HIVEP1: variants seen among roughly 807,000 people sequenced by gnomAD.
HIVEP1 encodes the protein zinc finger protein 40.
In HIVEP1, 36 loss-of-function variants were observed where a neutral mutation model predicts 180.0. The observed-to-expected ratio is 0.20, with a 90% CI of 0.15 to 0.26. The LOEUF (loss-of-function observed/expected upper bound fraction) is 0.26. Ranked by LOEUF, HIVEP1 falls within the 10% of genes least tolerant of loss-of-function variation. The pLI, the probability that HIVEP1 is intolerant of heterozygous loss-of-function variation, is 1.00. For synonymous variants in HIVEP1, 1,239 were observed against 1,239.0 expected (o/e 1.00, Z 0.00); for missense variants, 3,143 against 3,268.7 (o/e 0.96, Z 0.94).
intron 7 of HIVEP1, among the ~76,000 whole-genome samples, chr6:12,151,559 A>G (rs1026952204): frequency 1.3e-5 from 2 of 152,220 alleles, no homozygotes; most frequent in African/African-American, 4.8e-5. Context: ...TTCTAATCAT[A>G]TACAGTACAA....
Position 12,130,843 on chromosome 6 carries a change from C to A in HIVEP1, c.6286C>A (p.Arg2096Ser). The change falls in exon 6 of 9, where the codon CGT (arginine) becomes AGT (serine). Residue 2096 changes from arginine to serine, a missense_variant. By Grantham distance (110) the Arg-to-Ser change is moderately radical. Coordinates refer to ENST00000379388, the MANE Select transcript of HIVEP1 (RefSeq NM_002114.4). ...GKYICEECGI[R>S]CKKPSMLKKH... ...ATACATTTGTGAAGAATGTGGAATA[C>A]GTTGTAAGAAACCTAGCATGTTAAA... The A allele has an allele frequency of 6.2e-7, 1 of 1,610,864 alleles. No homozygotes were observed. Among genetic ancestry groups the A allele is most frequent in the Non-Finnish European group, 8.5e-7 (1 of 1,177,232 alleles).
intron 3 of HIVEP1, among the ~76,000 whole-genome samples, chr6:12,095,470 T>TC (rs902454256): frequency 8.1e-6 from 1 of 122,874 alleles, no homozygotes; most frequent in Non-Finnish European, 1.7e-5. Flanking sequence ...TCTCTGACCC[T>TC]CCCCCCACCC....
the HIVEP1 span, among the ~76,000 whole-genome samples, chr6:12,186,030 T>A: frequency 6.6e-6 from 1 of 152,052 alleles, no homozygotes; most frequent in South Asian, 2.1e-4. Flanking sequence ...CAAAAGCAAG[T>A]AAAAATCTAA....
chr6:12,171,565 G>C, the HIVEP1 span, among the ~76,000 whole-genome samples: 1 of 151,562 alleles, frequency 6.6e-6, no homozygotes, highest in Non-Finnish European at 1.5e-5. Flanking sequence ...TTCCTCACCT[G>C]ATAGCTAAGG....
In HIVEP1 at chr6:12,120,189, A is replaced by G. The variant is rs1200628972; in HGVS notation, c.394A>G (p.Lys132Glu). 5 of 1,614,116 alleles carry G rather than the reference A, an allele frequency of 3.1e-6. No homozygotes were observed. The highest frequency in any genetic ancestry group is 3.3e-5 in the Admixed American group (2 of 60,010). Residue 132 changes from lysine (K) to glutamate (E), a missense_variant, in exon 4 of 9, where the codon AAG becomes GAG. Physicochemically the swap from Lys to Glu is moderately conservative, Grantham distance 56 (BLOSUM62 1). Around this residue, in one of 12 missense-constraint regions of HIVEP1, gnomAD observed 2 missense variants for 17.4 expected, o/e 0.12. Transcript: ENST00000379388. ...ASKSEESVSP[K>E]KPLFLQQPSE... ...AAAATCTGAAGAATCTGTCTCCCCA[A>G]AGAAGCCCTTGTTTCTGCAGCAACC...
the HIVEP1 span, among the ~76,000 whole-genome samples, chr6:12,174,869 T>C: frequency 7.1e-6 from 1 of 140,408 alleles, no homozygotes; most frequent in South Asian, 2.4e-4. Flanking sequence ...CAAATGTATT[T>C]GTAAATGATT....
chr6:12,102,731 T>C (rs1264557904), intron 3 of HIVEP1, among the ~76,000 whole-genome samples: 1 of 152,180 alleles, frequency 6.6e-6, no homozygotes, highest in Non-Finnish European at 1.5e-5. Context: ...TTCGTAAATA[T>C]CAAGCAAGAA....
At chr6:12,179,235 A>AT in the HIVEP1 span, among the ~76,000 whole-genome samples, 1 of 152,194 alleles carries the variant, frequency 6.6e-6, no homozygotes, top group African/African-American at 2.4e-5. Context: ...ACAGATTAAT[A>AT]TATAGATAGG....
At chr6:12,100,665 G>A (rs1371822637) in intron 3 of HIVEP1, among the ~76,000 whole-genome samples, 2 of 152,204 alleles carry the variant, frequency 1.3e-5, no homozygotes, top group Admixed American at 1.3e-4. Flanking sequence ...TAAACCTAGT[G>A]TTTTAGTTGA....
rs998904056 is a variant in HIVEP1 at position 12,029,736 on chromosome 6, T to G, written c.40+14068T>G. On this transcript the variant is annotated intron_variant, in intron 2 of 8. Coordinates refer to ENST00000379388, the MANE Select transcript of HIVEP1 (RefSeq NM_002114.4). Reference sequence around the variant, plus strand: ...TTTTCTTTCTCCTTTTATGCTATTATTGTGATATATGCTTAATCCCTTTAT... The same window carrying G: ...TTTTCTTTCTCCTTTTATGCTATTAGTGTGATATATGCTTAATCCCTTTAT... Among the ~76,000 whole-genome samples, 31 of 152,194 alleles carry G rather than the reference T, an allele frequency of 2.0e-4. 1 individual carries two copies. Among genetic ancestry groups the G allele is most frequent in the Non-Finnish European group, 1.0e-4 (7 of 68,030 alleles).
Position 12,122,074 on chromosome 6 carries a change from A to C in HIVEP1, c.2279A>C (p.Asp760Ala). The C allele has an allele frequency of 6.2e-7, 1 of 1,614,222 alleles. No individual in the cohort carries two copies. The highest frequency in any genetic ancestry group is 8.5e-7 in the Non-Finnish European group (1 of 1,180,024). The change falls in exon 4 of 9, where the codon GAT (aspartate) becomes GCT (alanine). Residue 760 changes from aspartate to alanine, a missense_variant. Physicochemically the swap from Asp to Ala is moderately radical, Grantham distance 126. Around this residue, in one of 12 missense-constraint regions of HIVEP1, gnomAD observed 32 missense variants for 70.0 expected, o/e 0.46. Coordinates refer to ENST00000379388, the MANE Select transcript of HIVEP1 (RefSeq NM_002114.4). ...ATCTCAGACAATGAAGCTTTGGTAG[A>C]TGACAAGCAACTGGATAGTGTGAAG... ...KLISDNEALV[D>A]DKQLDSVKPR...
intron 2 of HIVEP1, among the ~76,000 whole-genome samples, chr6:12,070,978 C>T (rs1771930673): frequency 6.6e-6 from 1 of 152,202 alleles, no homozygotes; most frequent in Non-Finnish European, 1.5e-5. Flanking sequence ...AAACCAGGAT[C>T]TATTAAAGTA....
chr6:12,049,465 C>T (rs897616845), intron 2 of HIVEP1, among the ~76,000 whole-genome samples: 1 of 152,260 alleles, frequency 6.6e-6, no homozygotes, highest in African/African-American at 2.4e-5. Flanking sequence ...TGAGACCTTG[C>T]GCGAGGAGGT....
At chr6:12,013,129 C>G (rs1387184150) in intron 1 of HIVEP1, among the ~76,000 whole-genome samples, 3 of 152,102 alleles carry the variant, frequency 2.0e-5, no homozygotes, top group Non-Finnish European at 4.4e-5. Flanking sequence ...TCAGGGCTGC[C>G]GCGCTCGCCT....
chr6:12,069,599 C>T (rs144143921), intron 2 of HIVEP1, among the ~76,000 whole-genome samples: 3,460 of 148,102 alleles, frequency 0.023, 152 homozygotes, highest in African/African-American at 0.082. Flanking sequence ...GGAGGGATAG[C>T]ATTGGGAGAT....
intron 2 of HIVEP1, among the ~76,000 whole-genome samples, chr6:12,066,364 CTTAAG>C (rs566517757): frequency 2.6e-5 from 4 of 152,120 alleles, no homozygotes; most frequent in Non-Finnish European, 5.9e-5. Flanking sequence ...AGCTTTAAGT[CTTAAG>C]TTCAGTTATA....
chr6:12,121,326 A>G lies in HIVEP1; in HGVS notation c.1531A>G (p.Met511Val), dbSNP rs767665966. Residue 511 changes from methionine (M) to valine (V), a missense_variant, in exon 4 of 9, where the codon ATG becomes GTG. Physicochemically the swap from Met to Val is conservative, Grantham distance 21. Transcript: ENST00000379388. This position sits in a 1 kb window ranked among gnomAD's most constrained non-coding sequence, Gnocchi z 5.3. ...TGAGAGACAGCATGACCTGGGCGCC[A>G]TGGAGCTGCAGCCTGTGCACATAAT... The part of the protein sequence containing the change: ...TDERQHDLGA[M>V]ELQPVHIIKR... 4.3e-6 allele frequency: 7 copies of G among 1,614,070 alleles called. No homozygotes were observed. In the Admixed American group the frequency reaches 5.0e-5, roughly 12 times the overall value.
chr6:12,124,618 G>GACATCTAATTGACATCTAATTGA lies in HIVEP1; in HGVS notation c.4823_4824insACATCTAATTGACATCTAATTGA (p.Ser1608ArgfsTer7). 1 of 1,614,136 alleles carries GACATCTAATTGACATCTAATTGA rather than the reference G, an allele frequency of 6.2e-7. No homozygotes were observed. Among genetic ancestry groups the GACATCTAATTGACATCTAATTGA allele is most frequent in the Non-Finnish European group, 8.5e-7 (1 of 1,180,024 alleles). On this transcript the variant is annotated stop_gained and frameshift_variant, in exon 4 of 9. Transcript: ENST00000379388. LOFTEE classifies it high-confidence loss of function. ...ACATTACCAACCAAATTAATTGACAGCATGTCTAATTCGCATCCTCTGCTA... is the reference window on the plus strand; with the variant it reads ...ACATTACCAACCAAATTAATTGACAGACATCTAATTGACATCTAATTGACATGTCTAATTCGCATCCTCTGCTA...
At chr6:12,015,786 T>C (rs1007710739) in intron 2 of HIVEP1, 118 bp downstream of exon 2, 5 of 800,014 alleles carry the variant, frequency 6.2e-6, no homozygotes, top group Non-Finnish European at 1.0e-5. Flanking sequence ...GGAGCGCTAT[T>C]TCTCTTGCTC....
Sources: allele counts gnomAD v4.1 joint callset (sites outside exome capture counted in the v4.1 genomes callset), GRCh38; gene constraint gnomAD v4.1.1; regional missense constraint gnomAD v4.1.1; non-coding constraint Gnocchi (gnomAD v3.1); transcripts MANE v1.5; gene names NCBI Gene and HGNC (gene_info 2026-07-23, HGNC 2026-07-21).